The following GRIN2B variants were observed in gnomAD, a reference collection of about 807,000 sequenced individuals.
The protein encoded by GRIN2B is glutamate receptor ionotropic, NMDA 2B.
GRIN2B carries 5 observed loss-of-function variants against 114.5 expected under a neutral mutation model. The ratio of observed to expected loss-of-function variants is 0.04; its 90% CI spans 0.02 to 0.09. The LOEUF is 0.09. Ranked by LOEUF, GRIN2B falls within the 10% of genes least tolerant of loss-of-function variation. The pLI, the probability that GRIN2B is intolerant of heterozygous loss-of-function variation, is 1.00. For missense variants in GRIN2B, 1,108 were observed against 1,943.5 expected (o/e 0.57, Z 8.08); for synonymous variants, 787 against 745.1 (o/e 1.06, Z -0.92).
intron 3 of GRIN2B, among the ~76,000 whole-genome samples, chr12:13,861,324 C>G (rs916906377): frequency 3.3e-5 from 5 of 152,130 alleles, no homozygotes; most frequent in Admixed American, 6.5e-5. Flanking sequence ...GTTACTTAAC[C>G]TTTCTAAGCT....
Position 13,547,981 on chromosome 12 carries a change from A to ATATATATATATATTTTTTTTTTTT in GRIN2B, c.*14801_*14802insAAAAAAAAAAAATATATATATATA. The ATATATATATATATTTTTTTTTTTT allele has an allele frequency of 2.9e-4, 20 of 68,552 alleles. No individual in the cohort carries two copies. Among genetic ancestry groups the ATATATATATATATTTTTTTTTTTT allele is most frequent in the East Asian group, 2.9e-3 (5 of 1,738 alleles). 4.2% of individuals were successfully genotyped at this position (68,552 alleles called of 1,614,324 possible). On this transcript the variant is annotated 3_prime_UTR_variant, in exon 14 of 14. Transcript: ENST00000609686. ...TGTGTATATATATATATATATATATATTTTTTTTTTTTTTCTGAAAGCTAC... is the reference window on the plus strand; with the variant it reads ...TGTGTATATATATATATATATATATATATATATATATATTTTTTTTTTTTTTTTTTTTTTTTTTCTGAAAGCTAC...
At chr12:13,675,901 G>A in intron 4 of GRIN2B, 42 bp from the exon 5 acceptor site, 2 of 1,133,052 alleles carry the variant, frequency 1.8e-6, no homozygotes, top group East Asian at 2.4e-5. Context: ...GTATGAAGAG[G>A]GTATACCATG....
chr12:13,599,344 C>G (rs1329772953), intron 10 of GRIN2B, among the ~76,000 whole-genome samples: 4 of 152,152 alleles, frequency 2.6e-5, no homozygotes, highest in Non-Finnish European at 4.4e-5. Context: ...TCCACTCTTG[C>G]CACCATTACA....
chr12:13,572,236 T>C (rs1299004371), intron 10 of GRIN2B, among the ~76,000 whole-genome samples: 2 of 152,224 alleles, frequency 1.3e-5, no homozygotes, highest in East Asian at 3.8e-4. Context: ...AACCCTTCTA[T>C]GTTCCTTTTA....
intron 2 of GRIN2B, among the ~76,000 whole-genome samples, chr12:13,935,034 C>A (rs1282895374): frequency 6.6e-6 from 1 of 151,996 alleles, no homozygotes; most frequent in Non-Finnish European, 1.5e-5. Flanking sequence ...AAAAGAAGAC[C>A]CAAGTTTTCT....
At position 13,781,054 on chromosome 12, in the gene GRIN2B, T is replaced by TA. The variant is rs561704713; in HGVS notation, c.412-27140dup. On this transcript the variant is annotated intron_variant, in intron 3 of 13. Coordinates refer to ENST00000609686, the MANE Select transcript of GRIN2B (RefSeq NM_000834.5). ...CCTTATGTAGTTCTGGTAGAAAAAA[T>TA]AAAAAAATAACATGGAGAGAGATCC... Among the ~76,000 whole-genome samples the TA allele has an allele frequency of 7.1e-4, 108 of 151,970 alleles. 1 individual carries two copies. In the South Asian group the frequency reaches 0.022, roughly 31 times the overall value.
At chr12:13,844,841 C>G (rs1049536797) in intron 3 of GRIN2B, among the ~76,000 whole-genome samples, 1 of 152,138 alleles carries the variant, frequency 6.6e-6, no homozygotes, top group African/African-American at 2.4e-5. Flanking sequence ...ACTTTGAAAA[C>G]TGTAAAACAT....
chr12:13,541,020 A>T lies in GRIN2B; in HGVS notation c.*21763T>A, dbSNP rs1948272394. On this transcript the variant is annotated 3_prime_UTR_variant, in exon 14 of 14. Transcript: ENST00000609686. ...ATCACCCCCTTACACACGTGCGCTC[A>T]CACACACGCTCACACACATGTGCAC... The T allele has an allele frequency of 6.6e-6, 1 of 152,270 alleles. No homozygotes were observed. Among genetic ancestry groups the T allele is most frequent in the African/African-American group, 2.4e-5 (1 of 41,442 alleles). 9.4% of individuals were successfully genotyped at this position (152,270 alleles called of 1,614,324 possible). A position where few individuals can be genotyped will look rare whatever the true frequency, so the allele number is the denominator to read the frequency against.
intron 3 of GRIN2B, among the ~76,000 whole-genome samples, chr12:13,857,097 G>A (rs1011157525): frequency 6.6e-6 from 1 of 152,198 alleles, no homozygotes; most frequent in South Asian, 2.1e-4. Context: ...GCACCTTGGA[G>A]AAGTGAGAGA....
At chr12:13,966,014 C>T (rs1867785071) in intron 2 of GRIN2B, among the ~76,000 whole-genome samples, 1 of 152,312 alleles carries the variant, frequency 6.6e-6, no homozygotes, top group Admixed American at 6.5e-5. Flanking sequence ...CTCAAGGCAC[C>T]TGCAGAGGAG....
intron 4 of GRIN2B, among the ~76,000 whole-genome samples, chr12:13,708,408 T>G (rs1254864196): frequency 6.6e-6 from 1 of 152,096 alleles, no homozygotes; most frequent in Non-Finnish European, 1.5e-5. Context: ...AACTCCCTTT[T>G]TCCATACGAA....
intron 3 of GRIN2B, among the ~76,000 whole-genome samples, chr12:13,771,728 A>G (rs1364780308): frequency 1.3e-5 from 2 of 152,270 alleles, no homozygotes; most frequent in Admixed American, 6.5e-5. Flanking sequence ...TATTGACCAC[A>G]TATTATAGCC....
chr12:13,897,690 T>C (rs1866375981), intron 2 of GRIN2B, among the ~76,000 whole-genome samples: 1 of 152,114 alleles, frequency 6.6e-6, no homozygotes, highest in South Asian at 2.1e-4. Flanking sequence ...ATCTTAAAGG[T>C]CTTTTCTGGA....
In GRIN2B at chr12:13,717,090, T is replaced by TGTGTGA. The variant is rs1466060725; in HGVS notation, c.1010+36226_1010+36227insTCACAC. Among the ~76,000 whole-genome samples, 10 of 148,698 alleles carry TGTGTGA rather than the reference T, an allele frequency of 6.7e-5. 1 individual carries two copies. Among genetic ancestry groups the TGTGTGA allele is most frequent in the Admixed American group, 5.3e-4 (8 of 15,082 alleles). Reference sequence around the variant, plus strand: ...GCGTGTGTGTGTGTGTGTGTGTGTGTGTGTGTGTGTGTATTCACTCAATCA... The same window carrying TGTGTGA: ...GCGTGTGTGTGTGTGTGTGTGTGTGTGTGTGAGTGTGTGTGTGTATTCACTCAATCA... On this transcript the variant is annotated intron_variant, in intron 4 of 13. Coordinates refer to ENST00000609686, the MANE Select transcript of GRIN2B (RefSeq NM_000834.5).
chr12:13,634,412 G>C (rs780160296), intron 5 of GRIN2B, among the ~76,000 whole-genome samples: 2 of 152,196 alleles, frequency 1.3e-5, no homozygotes. Flanking sequence ...GAGGTTGGCA[G>C]GGCAGCCTTT....
At chr12:13,797,526 T>C (rs1163866526) in intron 3 of GRIN2B, among the ~76,000 whole-genome samples, 1 of 152,220 alleles carries the variant, frequency 6.6e-6, no homozygotes, top group African/African-American at 2.4e-5. Context: ...GAATCCCTAA[T>C]GGTTCTCAGA....
intron 2 of GRIN2B, among the ~76,000 whole-genome samples, chr12:13,966,070 A>G (rs1258916787): frequency 6.6e-6 from 1 of 152,178 alleles, no homozygotes; most frequent in African/African-American, 2.4e-5. Flanking sequence ...CTTGAATTCT[A>G]GGTTTTTCTT....
chr12:13,767,148 T>C (rs576382047), intron 3 of GRIN2B, among the ~76,000 whole-genome samples: 12 of 151,382 alleles, frequency 7.9e-5, no homozygotes, highest in African/African-American at 2.9e-4. Context: ...TAGTACCAGC[T>C]ACTCTGGAGG....
intron 3 of GRIN2B, among the ~76,000 whole-genome samples, chr12:13,864,606 C>T (rs1865796072): frequency 6.6e-6 from 1 of 152,114 alleles, no homozygotes; most frequent in South Asian, 2.1e-4. Flanking sequence ...AAGTAATGAA[C>T]AATAATCAGT....
Sources: allele counts gnomAD v4.1 joint callset (sites outside exome capture counted in the v4.1 genomes callset), GRCh38; gene constraint gnomAD v4.1.1; transcripts MANE v1.5; gene names NCBI Gene and HGNC (gene_info 2026-07-23, HGNC 2026-07-21).